Variants in FOXP2 observed in about 807,000 individuals in gnomAD.
The protein encoded by FOXP2 is forkhead box P2.
Under a neutral mutation model 115.8 loss-of-function variants are expected in FOXP2, and 12 were observed. The ratio of observed to expected loss-of-function variants is 0.10; its 90% CI spans 0.07 to 0.17. The LOEUF is 0.17. Ranked by LOEUF, FOXP2 falls within the 10% of genes least tolerant of loss-of-function variation. The pLI, the probability that FOXP2 is intolerant of heterozygous loss-of-function variation, is 1.00. For synonymous variants in FOXP2, 328 were observed against 297.7 expected, an observed-to-expected ratio of 1.10 and a Z score of -1.05; for missense variants, 629 against 843.5, an observed-to-expected ratio of 0.75 and a Z score of 3.15.
At chr7:114,665,746 GA>G (rs941179215) in intron 16 of FOXP2, 1 of 152,040 alleles carries the variant, frequency 6.6e-6, no homozygotes, top group African/African-American at 2.4e-5. Flanking sequence ...ACTCAAAGTA[GA>G]AAGAACATGA....
chr7:114,605,605 G>T (rs566979320), intron 3 of FOXP2, among the ~76,000 whole-genome samples: 1 of 152,284 alleles, frequency 6.6e-6, no homozygotes, highest in African/African-American at 2.4e-5. Flanking sequence ...CATAGAGGTG[G>T]GCGCTGTGCT....
chr7:114,327,498 T>G lies in FOXP2; in HGVS notation c.-11+39389T>G, dbSNP rs1797587270. Reference sequence around the variant, plus strand: ...GCATTTTTTAACAGTTATTTTACTTTGTGTTTTCTTTTTTTTTTTTCAAGA... The same window carrying G: ...GCATTTTTTAACAGTTATTTTACTTGGTGTTTTCTTTTTTTTTTTTCAAGA... On this transcript the variant is annotated intron_variant, in intron 2 of 17. Coordinates refer to the FOXP2 transcript ENST00000634411. 2.0e-5 allele frequency among the ~76,000 whole-genome samples: 3 copies of G among 152,192 alleles called. No homozygotes were observed. The South Asian group carries it at 6.2e-4, about 32-fold the overall frequency.
At chr7:114,482,445 A>T (rs1359475176) in intron 2 of FOXP2, among the ~76,000 whole-genome samples, 1 of 151,552 alleles carries the variant, frequency 6.6e-6, no homozygotes, top group African/African-American at 2.4e-5. Context: ...AATCAATTTG[A>T]CCCTTCCTGC....
intron 1 of FOXP2, among the ~76,000 whole-genome samples, chr7:114,276,227 C>T (rs1390095397): frequency 6.6e-6 from 1 of 150,942 alleles, no homozygotes; most frequent in Non-Finnish European, 1.5e-5. Context: ...GGTGTGATCT[C>T]GGCTCGCTGT....
At chr7:114,235,736 A>T (rs1384747372) in intron 1 of FOXP2, among the ~76,000 whole-genome samples, 44 of 152,192 alleles carry the variant, frequency 2.9e-4, no homozygotes, top group Admixed American at 2.9e-3. Flanking sequence ...TGCACTGATC[A>T]TAGGGCCTTT....
intron 1 of FOXP2, among the ~76,000 whole-genome samples, chr7:114,247,135 A>G (rs1795304573): frequency 6.6e-6 from 1 of 152,192 alleles, no homozygotes. Flanking sequence ...GTATAGCTAC[A>G]GCTTTTCTCA....
chr7:114,120,294 T>C (rs181540189), intron 1 of FOXP2, among the ~76,000 whole-genome samples: 250 of 152,222 alleles, frequency 1.6e-3, no homozygotes, highest in African/African-American at 5.7e-3. Context: ...GAGAGATAAG[T>C]GTGGCTAAAG....
chr7:114,443,787 G>C (rs148927037), intron 2 of FOXP2, among the ~76,000 whole-genome samples: 1 of 152,234 alleles, frequency 6.6e-6, no homozygotes, highest in East Asian at 1.9e-4. Flanking sequence ...ATGCCATTGT[G>C]TGTATGTACC....
chr7:114,655,814 ACTGT>A (rs1410419776), intron 10 of FOXP2, among the ~76,000 whole-genome samples: 1 of 152,136 alleles, frequency 6.6e-6, no homozygotes, highest in Non-Finnish European at 1.5e-5. Flanking sequence ...GTGCAACCGC[ACTGT>A]CTATTATATG....
chr7:114,498,360 A>T (rs1584811343), intron 2 of FOXP2, among the ~76,000 whole-genome samples: 2 of 152,298 alleles, frequency 1.3e-5, no homozygotes, highest in South Asian at 2.1e-4. Context: ...ATAAATATTT[A>T]TTGACTACCT....
At chr7:114,592,469 A>G (rs1340842361) in intron 3 of FOXP2, among the ~76,000 whole-genome samples, 2 of 152,060 alleles carry the variant, frequency 1.3e-5, no homozygotes, top group East Asian at 1.9e-4. Flanking sequence ...CTCTTAATTT[A>G]TATCTCCTCT....
chr7:114,537,420 T>A (rs1463339065), intron 3 of FOXP2, among the ~76,000 whole-genome samples: 3 of 151,696 alleles, frequency 2.0e-5, no homozygotes, highest in African/African-American at 7.2e-5. Flanking sequence ...GATAGAGAAC[T>A]ATTTTATAAA....
At chr7:114,537,230 A>T (rs929821907) in intron 3 of FOXP2, among the ~76,000 whole-genome samples, 3 of 151,566 alleles carry the variant, frequency 2.0e-5, no homozygotes, top group Non-Finnish European at 4.4e-5. Flanking sequence ...AAACATTCAT[A>T]ATAGAGTTAG....
intron 6 of FOXP2, among the ~76,000 whole-genome samples, chr7:114,641,247 T>C (rs1000515020): frequency 2.6e-5 from 4 of 152,212 alleles, no homozygotes; most frequent in African/African-American, 9.6e-5. Flanking sequence ...ATAAAAAATA[T>C]ACAAAGACAC....
intron 2 of FOXP2, among the ~76,000 whole-genome samples, chr7:114,369,517 T>C (rs2129189037): frequency 6.6e-6 from 1 of 152,116 alleles, no homozygotes; most frequent in Non-Finnish European, 1.5e-5. Context: ...AGTAAGCTGA[T>C]CTTGCTTAAA....
intron 3 of FOXP2, among the ~76,000 whole-genome samples, chr7:114,621,857 A>G (rs1330228199): frequency 6.6e-6 from 1 of 152,012 alleles, no homozygotes; most frequent in Non-Finnish European, 1.5e-5. Context: ...ACTTCTCCCT[A>G]TAGCAAAATA....
intron 2 of FOXP2, among the ~76,000 whole-genome samples, chr7:114,347,703 A>C (rs1791380826): frequency 6.6e-6 from 1 of 152,044 alleles, no homozygotes; most frequent in Non-Finnish European, 1.5e-5. Flanking sequence ...GACTTCAACA[A>C]CCACCTGTGG....
chr7:114,385,871 G>A (rs112356730), intron 2 of FOXP2, among the ~76,000 whole-genome samples: 2,173 of 152,080 alleles, frequency 0.014, 24 homozygotes, highest in Middle Eastern at 0.024. Flanking sequence ...GGCAAGCCTC[G>A]TCTTCTCTGA....
chr7:114,212,509 A>G (rs965507516), intron 1 of FOXP2, among the ~76,000 whole-genome samples: 1 of 152,212 alleles, frequency 6.6e-6, no homozygotes, highest in East Asian at 1.9e-4. Flanking sequence ...TTGAGGTAGC[A>G]TGAAAATCTA....
Sources: allele counts gnomAD v4.1 joint callset (sites outside exome capture counted in the v4.1 genomes callset), GRCh38; gene constraint gnomAD v4.1.1; transcripts MANE v1.5; gene names NCBI Gene and HGNC (gene_info 2026-07-23, HGNC 2026-07-21).